IWS1: variants seen among roughly 807,000 people sequenced by gnomAD.
The protein encoded by IWS1 is interacts with SUPT6H, CTD assembly factor 1.
Under a neutral mutation model 86.7 loss-of-function variants are expected in IWS1, and 27 were observed. The ratio of observed to expected loss-of-function variants is 0.31; its 90% CI spans 0.23 to 0.43. The LOEUF is 0.43. IWS1 is among the 20% of genes least tolerant of loss of function. The pLI is 1.00. For missense variants in IWS1, 827 were observed against 1,000.8 expected (o/e 0.83, Z 2.34); for synonymous variants, 313 against 335.1 (o/e 0.93, Z 0.72).
chr2:127,507,832 T>A (rs997499755), intron 2 of IWS1, among the ~76,000 whole-genome samples: 8 of 152,162 alleles, frequency 5.3e-5, no homozygotes, highest in African/African-American at 1.9e-4. Flanking sequence ...AGCACTGACA[T>A]GACACCACAA....
upstream of IWS1, chr2:127,526,706 A>G (rs1175613137): frequency 7.7e-7 from 1 of 1,304,234 alleles, no homozygotes; most frequent in Non-Finnish European, 1.0e-6. Context: ...CATTTCCTAG[A>G]TTCTGTGTCC....
Position 127,499,885 on chromosome 2 carries a change from T to C in IWS1, c.1468-1648A>G, listed in dbSNP as rs1181005814. Among the ~76,000 whole-genome samples, 1 of 152,152 alleles carries C rather than the reference T, an allele frequency of 6.6e-6. No homozygotes were observed. Among genetic ancestry groups the C allele is most frequent in the East Asian group, 1.9e-4 (1 of 5,198 alleles). ...TAGTAGGAAAGGATGATCTTTTCAA[T>C]AAATGGTGCTGGGTCAACTGGATAC... On this transcript the variant is annotated intron_variant, in intron 5 of 13. Coordinates refer to ENST00000295321, the MANE Select transcript of IWS1 (RefSeq NM_017969.3). The surrounding 1 kb of genome is among the most constrained non-coding windows in gnomAD (Gnocchi z 4.0).
chr2:127,497,285 A>ATTT (rs1180075403), intron 6 of IWS1, among the ~76,000 whole-genome samples: 17 of 152,222 alleles, frequency 1.1e-4, no homozygotes, highest in Non-Finnish European at 1.9e-4. Context: ...GAGAAAGTAC[A>ATTT]TTTTAAGTTC....
At chr2:127,481,565 G>A (rs1689631940) in intron 13 of IWS1, among the ~76,000 whole-genome samples, 1 of 152,156 alleles carries the variant, frequency 6.6e-6, no homozygotes, top group African/African-American at 2.4e-5. Context: ...CTTTCAAACA[G>A]TGCTGGCATA....
intron 2 of IWS1, among the ~76,000 whole-genome samples, chr2:127,508,705 AT>A (rs749454466): frequency 6.6e-6 from 1 of 152,218 alleles, no homozygotes; most frequent in African/African-American, 2.4e-5. Context: ...GAACTCAAGG[AT>A]CATTTTACTA....
Position 127,492,388 on chromosome 2 carries a change from A to G in IWS1, c.1930-300T>C, listed in dbSNP as rs528303437. ...GTGGTGAAACCCATCTCTACTAAAA[A>G]TACAAAAATTAGCCAGGTGTGGAGG... On this transcript the variant is annotated intron_variant, in intron 9 of 13. Transcript: ENST00000295321. Among the ~76,000 whole-genome samples the G allele has an allele frequency of 1.2e-4, 18 of 152,138 alleles. No individual in the cohort carries two copies. The East Asian group carries it at 3.3e-3, about 28-fold the overall frequency.
At chr2:127,522,676 T>C (rs563312088) in intron 2 of IWS1, among the ~76,000 whole-genome samples, 20 of 152,322 alleles carry the variant, frequency 1.3e-4, no homozygotes, top group Middle Eastern at 3.4e-3. Flanking sequence ...AAGAAAAATA[T>C]AAGGCATAGA....
At chr2:127,519,971 T>C (rs1438964651) in intron 2 of IWS1, among the ~76,000 whole-genome samples, 1 of 152,158 alleles carries the variant, frequency 6.6e-6, no homozygotes, top group Non-Finnish European at 1.5e-5. Flanking sequence ...GAAATGTATC[T>C]TCCCTCAGAG....
Position 127,504,841 on chromosome 2 carries a change from A to G in IWS1, c.1062T>C (p.His354=), listed in dbSNP as rs772372316. The G allele has an allele frequency of 6.8e-6, 11 of 1,613,856 alleles. No individual in the cohort carries two copies. The highest frequency in any genetic ancestry group is 9.3e-6 in the Non-Finnish European group (11 of 1,180,010). The change falls in exon 3 of 14, where the codon CAT becomes CAC. Residue 354 remains histidine, a synonymous_variant. Coordinates refer to ENST00000295321, the MANE Select transcript of IWS1 (RefSeq NM_017969.3). ...AACTGTGAAACTTTTTTCTGTCCAT[A>G]TGGCTGTCTGAATGGAAGGAGTCAT... ...MQNDSFHSDS[H]MDRKKFHSSD...
At chr2:127,516,420 A>G (rs774761503) in intron 2 of IWS1, among the ~76,000 whole-genome samples, 2 of 152,082 alleles carry the variant, frequency 1.3e-5, no homozygotes, top group Non-Finnish European at 2.9e-5. Context: ...GCTCAATGAG[A>G]AAAAAAAGAG....
intron 2 of IWS1, among the ~76,000 whole-genome samples, chr2:127,509,533 C>T (rs992158682): frequency 2.0e-5 from 3 of 151,820 alleles, no homozygotes; most frequent in Non-Finnish European, 4.4e-5. Flanking sequence ...ATGGTGAAAC[C>T]CTGTCTCTAC....
chr2:127,512,630 C>T (rs953112512), intron 2 of IWS1, among the ~76,000 whole-genome samples: 2 of 152,200 alleles, frequency 1.3e-5, no homozygotes, highest in Non-Finnish European at 2.9e-5. Flanking sequence ...TATCGCCACC[C>T]CTAACCCGTT....
intron 10 of IWS1, chr2:127,491,051 A>T (rs1305647530): frequency 1.3e-5 from 2 of 152,226 alleles, no homozygotes; most frequent in African/African-American, 4.8e-5. Context: ...TCATTCGTAA[A>T]ACTGAAGAAT....
chr2:127,493,202 A>C, intron 9 of IWS1, 79 bp downstream of exon 9: 1 of 1,273,238 alleles, frequency 7.9e-7, no homozygotes, highest in Non-Finnish European at 1.0e-6. Flanking sequence ...ATATAAAAAC[A>C]CTGTAAACTA....
intron 7 of IWS1, among the ~76,000 whole-genome samples, chr2:127,495,479 C>T (rs1005526146): frequency 6.6e-6 from 1 of 152,056 alleles, no homozygotes; most frequent in East Asian, 1.9e-4. Context: ...AGCTACTTTC[C>T]CTCCATTCTT....
At chr2:127,495,050 A>G in intron 7 of IWS1, 96 bp from the exon 8 acceptor site, 1 of 713,110 alleles carries the variant, frequency 1.4e-6, no homozygotes, top group Non-Finnish European at 2.3e-6. Flanking sequence ...ACAGTTTTTC[A>G]AAGAAACAAT....
At chr2:127,496,530 AG>A (rs896199654) in intron 6 of IWS1, among the ~76,000 whole-genome samples, 3 of 144,498 alleles carry the variant, frequency 2.1e-5, no homozygotes, top group Non-Finnish European at 3.0e-5. Context: ...TACTCTAAAC[AG>A]GTGTACCATA....
chr2:127,498,955 C>T (rs1171601657), intron 5 of IWS1: 2 of 152,122 alleles, frequency 1.3e-5, no homozygotes, highest in Non-Finnish European at 2.9e-5. Context: ...CTGGACTGTT[C>T]ATCTTTTTCT....
At chr2:127,481,302 T>C (rs1442310332) in intron 13 of IWS1, 127 bp from the exon 14 acceptor site, 6 of 782,448 alleles carry the variant, frequency 7.7e-6, no homozygotes, top group African/African-American at 1.8e-5. Flanking sequence ...AGAATGTGTG[T>C]TGATGACCTC....
Sources: gnomAD v4.1 joint callset for allele counts (sites outside exome capture counted in the v4.1 genomes callset) on GRCh38, gnomAD v4.1.1 for gene constraint, Gnocchi (gnomAD v3.1) non-coding constraint, MANE v1.5 for transcripts, NCBI Gene and HGNC (gene_info 2026-07-23, HGNC 2026-07-21) for gene names.